The following ZC3H14 variants were observed in gnomAD, a reference collection of about 807,000 sequenced individuals.
ZC3H14 encodes the protein zinc finger CCCH domain-containing protein 14.
ZC3H14 carries 31 observed loss-of-function variants against 92.4 expected under a neutral mutation model. That is an observed-to-expected ratio of 0.34 (90% confidence interval 0.25 to 0.45). The LOEUF (loss-of-function observed/expected upper bound fraction) is 0.45. Ranked by LOEUF, ZC3H14 falls within the 20% of genes least tolerant of loss-of-function variation. The pLI, the probability that ZC3H14 is intolerant of heterozygous loss-of-function variation, is 1.00. For missense variants in ZC3H14, 781 were observed against 897.3 expected (o/e 0.87, Z 1.66); for synonymous variants, 321 against 300.9 (o/e 1.07, Z -0.69).
At position 88,616,062 on chromosome 14, in the gene ZC3H14, C is replaced by T; in HGVS notation, c.*4311C>T. On this transcript the variant is annotated 3_prime_UTR_variant, in exon 17 of 17. Coordinates refer to ENST00000251038, the MANE Select transcript of ZC3H14 (RefSeq NM_024824.5). Reference sequence around the variant, plus strand: ...AATGTTGACTAGCTGATTTCATAAACCAAAGCTGTAGGAGTTGTTGTATTA... The same window carrying T: ...AATGTTGACTAGCTGATTTCATAAATCAAAGCTGTAGGAGTTGTTGTATTA... The T allele has an allele frequency of 6.7e-7, 1 of 1,488,638 alleles. No homozygotes were observed. Among genetic ancestry groups the T allele is most frequent in the Non-Finnish European group, 9.3e-7 (1 of 1,069,546 alleles). 92.2% of individuals were successfully genotyped at this position (1,488,638 alleles called of 1,614,324 possible).
At position 88,620,876 on chromosome 14, in the gene ZC3H14, G is replaced by A. The variant is rs2088772026; in HGVS notation, c.*9125G>A. 2 of 1,570,024 alleles carry A rather than the reference G, an allele frequency of 1.3e-6. No homozygotes were observed. The highest frequency in any genetic ancestry group is 2.3e-5 in the South Asian group (2 of 85,620). On this transcript the variant is annotated 3_prime_UTR_variant, in exon 17 of 17. Coordinates refer to ENST00000251038, the MANE Select transcript of ZC3H14 (RefSeq NM_024824.5). This position sits in a 1 kb window ranked among gnomAD's most constrained non-coding sequence, Gnocchi z 4.3. Reference sequence around the variant, plus strand: ...TAGCCACCATGTCCCCTTCAGGGCTGTAACACACAGTACGAGCAGCATGTC... The same window carrying A: ...TAGCCACCATGTCCCCTTCAGGGCTATAACACACAGTACGAGCAGCATGTC...
At chr14:88,588,825 A>G (rs1056044940) in intron 9 of ZC3H14, among the ~76,000 whole-genome samples, 2 of 151,530 alleles carry the variant, frequency 1.3e-5, no homozygotes, top group East Asian at 1.9e-4. Flanking sequence ...TTGTTGGTCT[A>G]CTCTTGAATA....
chr14:88,594,680 A>T (rs1379579662), intron 9 of ZC3H14: 5 of 1,612,774 alleles, frequency 3.1e-6, no homozygotes, highest in Non-Finnish European at 3.4e-6. Context: ...ATCAGATTTT[A>T]AGGGAGAGAA....
intron 9 of ZC3H14, among the ~76,000 whole-genome samples, chr14:88,584,933 A>T (rs1009156771): frequency 6.6e-6 from 1 of 152,170 alleles, no homozygotes; most frequent in Non-Finnish European, 1.5e-5. Context: ...AATGAATTTA[A>T]CATAAGAACC....
rs776360389 is a variant in ZC3H14, at chr14:88,626,940, C to T, written c.*15189C>T. 6.2e-7 allele frequency: 1 copy of T among 1,613,980 alleles called. No individual in the cohort carries two copies. Among genetic ancestry groups the T allele is most frequent in the South Asian group, 1.1e-5 (1 of 91,080 alleles). On this transcript the variant is annotated 3_prime_UTR_variant, in exon 17 of 17. Coordinates refer to ENST00000251038, the MANE Select transcript of ZC3H14 (RefSeq NM_024824.5). ...GAGCTCTTCCTGCCAGGGTCCAGAA[C>T]TTCACATGTTTTACTCCCACTGAGA...
At chr14:88,606,714 C>G (rs905091156) in intron 12 of ZC3H14, among the ~76,000 whole-genome samples, 7 of 140,008 alleles carry the variant, frequency 5.0e-5, no homozygotes, top group Non-Finnish European at 1.5e-5. Context: ...CACCACTGTA[C>G]TCCATCCTGG....
chr14:88,575,554 G>A (rs944388324), intron 7 of ZC3H14, among the ~76,000 whole-genome samples: 1 of 152,000 alleles, frequency 6.6e-6, no homozygotes, highest in Non-Finnish European at 1.5e-5. Context: ...AAATTAGTTG[G>A]TCATTGTGGC....
In ZC3H14 at chr14:88,568,036, T is replaced by C. The variant is rs1239541663; in HGVS notation, c.80-3T>C. On this transcript the variant is annotated splice_polypyrimidine_tract_variant and splice_region_variant and intron_variant, in intron 2 of 16. Transcript: ENST00000251038. ...GTTTTGATCTACCTTTCCTTTTAAATAGATGAAGAACTTCCTGATTACATT... is the reference window on the plus strand; with the variant it reads ...GTTTTGATCTACCTTTCCTTTTAAACAGATGAAGAACTTCCTGATTACATT... The C allele has an allele frequency of 6.2e-7, 1 of 1,613,026 alleles. No homozygotes were observed. Among genetic ancestry groups the C allele is most frequent in the Non-Finnish European group, 8.5e-7 (1 of 1,179,190 alleles).
Position 88,574,760 on chromosome 14 carries a change from A to G in ZC3H14, c.929A>G (p.His310Arg), listed in dbSNP as rs1385225123. The change falls in exon 7 of 17, where the codon CAT (histidine) becomes CGT (arginine). Residue 310 changes from histidine (H) to arginine (R), a missense_variant. By Grantham distance (29) the His-to-Arg change is conservative. Around this residue, in one of 3 missense-constraint regions of ZC3H14, gnomAD observed 454 missense variants for 438.5 expected, o/e 1.04. Transcript: ENST00000251038. The stretch of plus-strand genomic sequence containing the variant: ...GTTGTTAAAGTAAAAAAATTCAATC[A>G]TGATGGAGAAGAGGAGGAAGAAGAT... The part of the protein sequence containing the change: ...SSVVKVKKFN[H>R]DGEEEEEDDD... 6.2e-7 allele frequency: 1 copy of G among 1,614,174 alleles called. No individual in the cohort carries two copies. Among genetic ancestry groups the G allele is most frequent in the Non-Finnish European group, 8.5e-7 (1 of 1,180,026 alleles).
rs2089654290 is a variant in ZC3H14 at position 88,624,735 on chromosome 14, T to C, written c.*12984T>C. 2.1e-6 allele frequency: 1 copy of C among 480,882 alleles called. No individual in the cohort carries two copies. The highest frequency in any genetic ancestry group is 2.7e-5 in the South Asian group (1 of 36,648). 29.8% of individuals were successfully genotyped at this position (480,882 alleles called of 1,614,324 possible). A position where few individuals can be genotyped will look rare whatever the true frequency, so the allele number is the denominator to read the frequency against. Reference sequence around the variant, plus strand: ...AAAGTAACTCAACTTGTAGGACAACTACCTATCCACACCTCAGAAAAAGTA... The same window carrying C: ...AAAGTAACTCAACTTGTAGGACAACCACCTATCCACACCTCAGAAAAAGTA... On this transcript the variant is annotated 3_prime_UTR_variant, in exon 17 of 17. Transcript: ENST00000251038.
Position 88,616,516 on chromosome 14 carries a change from C to T in ZC3H14, c.*4765C>T, listed in dbSNP as rs904189746. 8.2e-6 allele frequency: 5 copies of T among 607,626 alleles called. No individual in the cohort carries two copies. In the African/African-American group the frequency reaches 9.2e-5, roughly 11 times the overall value. The allele number at this position is 607,626 out of a possible 1,614,324, so 37.6% of individuals were successfully genotyped here. On this transcript the variant is annotated 3_prime_UTR_variant, in exon 17 of 17. Coordinates refer to ENST00000251038, the MANE Select transcript of ZC3H14 (RefSeq NM_024824.5). ...TATAGGTTTGGTGAAAAGCTAATTA[C>T]AGCTTTTGTAGGATGGTTCCAAAGA...
chr14:88,601,782 GT>G, intron 10 of ZC3H14, 141 bp from the exon 11 acceptor site: 1 of 1,005,790 alleles, frequency 9.9e-7, no homozygotes, highest in Non-Finnish European at 1.5e-6. Context: ...TTATAGCCCT[GT>G]TTTCCTGAGT....
At chr14:88,564,444 C>G (rs1031326460) in intron 2 of ZC3H14, among the ~76,000 whole-genome samples, 1 of 152,188 alleles carries the variant, frequency 6.6e-6, no homozygotes, top group East Asian at 1.9e-4. Context: ...CCTACTTGAG[C>G]AAGGTTTTAT....
At chr14:88,611,450 A>G (rs1202398431) in intron 16 of ZC3H14, among the ~76,000 whole-genome samples, 1 of 152,174 alleles carries the variant, frequency 6.6e-6, no homozygotes, top group Non-Finnish European at 1.5e-5. Flanking sequence ...CAGCAGGAGT[A>G]TATATATGTG....
Position 88,604,599 on chromosome 14 carries a change from G to GTT in ZC3H14, c.1747+1552_1747+1553dup, listed in dbSNP as rs11446275. The stretch of plus-strand genomic sequence containing the variant: ...ACAGATTTTATAGCTTGCTTTCTTT[G>GTT]TTTTTTTTTTTTTTGAGATAGAGTC... On this transcript the variant is annotated intron_variant, in intron 12 of 16. Transcript: ENST00000251038. 4.2e-3 allele frequency among the ~76,000 whole-genome samples: 596 copies of GTT among 142,572 alleles called. 5 individuals carry two copies. The highest frequency in any genetic ancestry group is 6.1e-3 in the African/African-American group (237 of 38,774). The allele number at this position is 142,572 out of a possible 152,430, so 93.5% of individuals were successfully genotyped here. A position where few individuals can be genotyped will look rare whatever the true frequency, so the allele number is the denominator to read the frequency against.
At chr14:88,594,940 G>A (rs2139967660) in intron 9 of ZC3H14, 1 of 1,613,948 alleles carries the variant, frequency 6.2e-7, no homozygotes, top group Non-Finnish European at 8.5e-7. Context: ...TGATCTAAAT[G>A]TTAGAGTGTC....
chr14:88,585,403 A>T, intron 9 of ZC3H14, among the ~76,000 whole-genome samples: 2 of 142,460 alleles, frequency 1.4e-5, no homozygotes, highest in Non-Finnish European at 1.5e-5. Flanking sequence ...TTTGAGACGG[A>T]GTCTCACTTT....
Position 88,621,250 on chromosome 14 carries a change from T to G in ZC3H14, c.*9499T>G. On this transcript the variant is annotated 3_prime_UTR_variant, in exon 17 of 17. Transcript: ENST00000251038. The stretch of plus-strand genomic sequence containing the variant: ...ACTAAAATATTACAAGCTGCATTTT[T>G]CTCTCCAACTTCGATTATTTCAGCA... The G allele has an allele frequency of 6.2e-7, 1 of 1,613,940 alleles. No individual in the cohort carries two copies. The highest frequency in any genetic ancestry group is 8.5e-7 in the Non-Finnish European group (1 of 1,179,872).
intron 9 of ZC3H14, chr14:88,595,260 T>C: frequency 7.2e-7 from 1 of 1,392,744 alleles, no homozygotes; most frequent in Non-Finnish European, 9.5e-7. Flanking sequence ...TGGATTCTGC[T>C]TGATTTAGCT....
Sources: allele counts gnomAD v4.1 joint callset (sites outside exome capture counted in the v4.1 genomes callset), GRCh38; gene constraint gnomAD v4.1.1; regional missense constraint gnomAD v4.1.1; non-coding constraint Gnocchi (gnomAD v3.1); transcripts MANE v1.5; gene names NCBI Gene and HGNC (gene_info 2026-07-23, HGNC 2026-07-21).